STAG3: variants seen among roughly 807,000 people sequenced by gnomAD.
STAG3 encodes the protein STAG3 cohesin complex component, also known as cohesin subunit SA-3.
In STAG3, 101 loss-of-function variants were observed where a neutral mutation model predicts 160.7. That is an observed-to-expected ratio of 0.63 (90% CI 0.54 to 0.74). The LOEUF (loss-of-function observed/expected upper bound fraction) is 0.74. Ranked by LOEUF, STAG3 falls within the 30% of genes least tolerant of loss-of-function variation. STAG3 has a pLI of 0.00. For synonymous variants in STAG3, 519 were observed against 585.0 expected (o/e 0.89, Z 1.63); for missense variants, 1,188 against 1,517.4 (o/e 0.78, Z 3.61).
At chr7:100,194,330 T>C (rs968777343) in intron 8 of STAG3, among the ~76,000 whole-genome samples, 1 of 152,208 alleles carries the variant, frequency 6.6e-6, no homozygotes, top group Non-Finnish European at 1.5e-5. Flanking sequence ...GGGTTATTAA[T>C]TGACCTAATT....
At chr7:100,210,294 T>C (rs1337133671) in intron 29 of STAG3, among the ~76,000 whole-genome samples, 2 of 152,004 alleles carry the variant, frequency 1.3e-5, no homozygotes, top group Non-Finnish European at 2.9e-5. Flanking sequence ...AGAAGGGGGG[T>C]AATGGGAGTG....
intron 4 of STAG3, 121 bp from the exon 5 acceptor site, chr7:100,186,079 A>G (rs1160747424): frequency 2.4e-6 from 2 of 836,134 alleles, no homozygotes; most frequent in Admixed American, 2.2e-5. Flanking sequence ...TCACCAGTAC[A>G]TTGTGAAAGA....
At chr7:100,182,602 G>A in intron 3 of STAG3, 121 bp from the exon 4 acceptor site, 3 of 959,196 alleles carry the variant, frequency 3.1e-6, no homozygotes, top group Non-Finnish European at 4.9e-6. Context: ...GTCTAACTCA[G>A]ACTCTGCTGT....
intron 4 of STAG3, among the ~76,000 whole-genome samples, chr7:100,184,615 A>C (rs1326627478): frequency 1.3e-5 from 2 of 151,522 alleles, no homozygotes; most frequent in East Asian, 3.9e-4. Context: ...TTACAGATGC[A>C]TGCCACCACG....
chr7:100,194,747 G>T (rs1357506541), intron 8 of STAG3, among the ~76,000 whole-genome samples: 1 of 152,100 alleles, frequency 6.6e-6, no homozygotes, highest in Non-Finnish European at 1.5e-5. Context: ...GTGAGCCATG[G>T]TCACACCACT....
Position 100,211,423 on chromosome 7 carries a change from C to T in STAG3, c.3414-12C>T, listed in dbSNP as rs778367647. On this transcript the variant is annotated splice_polypyrimidine_tract_variant and intron_variant, in intron 30 of 33. Transcript: ENST00000615138. ...GATTTTTATCCCATCATTGATCCTG[C>T]TTCATTCCCAGCAGTCAGCCCGTCG... The T allele has an allele frequency of 1.2e-6, 2 of 1,612,580 alleles. No homozygotes were observed. Among genetic ancestry groups the T allele is most frequent in the Non-Finnish European group, 1.7e-6 (2 of 1,179,274 alleles).
chr7:100,195,557 C>T (rs543462337), intron 9 of STAG3, among the ~76,000 whole-genome samples, 175 bp downstream of exon 9: 57 of 152,338 alleles, frequency 3.7e-4, no homozygotes, highest in African/African-American at 1.3e-3. Flanking sequence ...TTTAGTTTAT[C>T]ACCACCTACA....
At position 100,211,453 on chromosome 7, in the gene STAG3, C is replaced by G; in HGVS notation, c.3432C>G (p.Gly1144=). 6.2e-7 allele frequency: 1 copy of G among 1,614,030 alleles called. No individual in the cohort carries two copies. The highest frequency in any genetic ancestry group is 1.1e-5 in the South Asian group (1 of 91,064). The stretch of plus-strand genomic sequence containing the variant: ...TTCCCAGCAGTCAGCCCGTCGCAGG[C>G]ACCGAGAGGTCAAGGTTCTTGGGTC... ...DFAQGSQPVA[G]TERSRFLGPQ... The change falls in exon 31 of 34, where the codon GGC becomes GGG. Residue 1144 remains glycine (G), a synonymous_variant. Transcript: ENST00000615138.
chr7:100,216,302 A>T (rs1047876637), downstream of STAG3, among the ~76,000 whole-genome samples: 11 of 151,366 alleles, frequency 7.3e-5, no homozygotes, highest in South Asian at 2.1e-4. Context: ...TCAGTTTTTT[A>T]AAAAATTGTA....
At chr7:100,192,903 A>G (rs1197277486) in intron 8 of STAG3, among the ~76,000 whole-genome samples, 2 of 152,222 alleles carry the variant, frequency 1.3e-5, no homozygotes, top group Non-Finnish European at 2.9e-5. Context: ...AGGAGGTTTT[A>G]AATGGACTTT....
downstream of STAG3, among the ~76,000 whole-genome samples, chr7:100,215,353 C>A (rs1156852240): frequency 6.6e-6 from 1 of 152,118 alleles, no homozygotes; most frequent in Non-Finnish European, 1.5e-5. Flanking sequence ...CCCGCCCCCA[C>A]CTGCCCCTCC....
At chr7:100,188,254 C>T (rs1488114777) in intron 5 of STAG3, among the ~76,000 whole-genome samples, 199 bp from the exon 6 acceptor site, 1 of 152,140 alleles carries the variant, frequency 6.6e-6, no homozygotes, top group African/African-American at 2.4e-5. Flanking sequence ...CCTGTGGCTC[C>T]CTTCCTTTGG....
intron 32 of STAG3, chr7:100,212,561 T>C (rs1357849608): frequency 6.6e-6 from 1 of 152,228 alleles, no homozygotes; most frequent in Non-Finnish European, 1.5e-5. Context: ...GCTCAAGCAA[T>C]TCTCCTGCCT....
intron 11 of STAG3, 51 bp from the exon 12 acceptor site, chr7:100,198,036 A>G: frequency 6.3e-7 from 1 of 1,594,952 alleles, no homozygotes; most frequent in Non-Finnish European, 8.6e-7. Context: ...AGAGAACAGA[A>G]TGTTTGGAAT....
chr7:100,181,227 A>G (rs1007336113), intron 2 of STAG3, among the ~76,000 whole-genome samples: 1 of 152,118 alleles, frequency 6.6e-6, no homozygotes, highest in Non-Finnish European at 1.5e-5. Context: ...TATTCTGTGT[A>G]GGTTATAATA....
chr7:100,218,184 A>G (rs953216579), downstream of STAG3: 1 of 152,568 alleles, frequency 6.6e-6, no homozygotes, highest in Admixed American at 7.3e-5. Context: ...GAGGGTTCAC[A>G]CTCCTGCCTT....
chr7:100,185,992 G>T (rs1799975956), intron 4 of STAG3, among the ~76,000 whole-genome samples: 1 of 152,214 alleles, frequency 6.6e-6, no homozygotes, highest in African/African-American at 2.4e-5. Flanking sequence ...TAGGGCAAAA[G>T]TCAGTTTGTT....
chr7:100,215,376 A>G (rs1193907526), downstream of STAG3, among the ~76,000 whole-genome samples: 4 of 151,842 alleles, frequency 2.6e-5, no homozygotes, highest in Non-Finnish European at 4.4e-5. Context: ...GATGAAAGCT[A>G]TAAGAAATTG....
chr7:100,187,984 C>T (rs1800133175), intron 5 of STAG3, among the ~76,000 whole-genome samples: 1 of 152,108 alleles, frequency 6.6e-6, no homozygotes, highest in Non-Finnish European at 1.5e-5. Context: ...TCTCGAATTC[C>T]TGACCTTGTG....
Sources: allele counts gnomAD v4.1 joint callset (sites outside exome capture counted in the v4.1 genomes callset), GRCh38; gene constraint gnomAD v4.1.1; transcripts MANE v1.5; gene names NCBI Gene and HGNC (gene_info 2026-07-23, HGNC 2026-07-21).